Variants in XYLT1 observed in about 807,000 individuals in gnomAD.
The protein encoded by XYLT1 is xylosyltransferase 1, also known as beta-D-xylosyltransferase 1.
Under a neutral mutation model 91.3 loss-of-function variants are expected in XYLT1, and 36 were observed. That is an observed-to-expected ratio of 0.39 (90% CI 0.30 to 0.52). The LOEUF is 0.52. Ranked by LOEUF, XYLT1 falls within the 20% of genes least tolerant of loss-of-function variation. The probability of loss-of-function intolerance (pLI) is 0.68; values close to 1 mark genes in which losing one functional copy is unlikely to be tolerated. For synonymous variants in XYLT1, 588 were observed against 532.0 expected (o/e 1.11, Z -1.45); for missense variants, 1,242 against 1,284.5 (o/e 0.97, Z 0.51).
intron 1 of XYLT1, among the ~76,000 whole-genome samples, chr16:17,412,944 G>A (rs1212971109): frequency 6.6e-6 from 1 of 152,218 alleles, no homozygotes; most frequent in Non-Finnish European, 1.5e-5. Context: ...CGTATCTGCT[G>A]AGCCTCTGAC....
chr16:17,432,968 G>A (rs965960964), intron 1 of XYLT1, among the ~76,000 whole-genome samples: 7 of 152,088 alleles, frequency 4.6e-5, no homozygotes, highest in African/African-American at 1.4e-4. Context: ...GGGCAGAGAC[G>A]GGCAGTGCCC....
chr16:17,133,771 C>T (rs1380262996), intron 9 of XYLT1, among the ~76,000 whole-genome samples: 1 of 152,028 alleles, frequency 6.6e-6, no homozygotes, highest in African/African-American at 2.4e-5. Context: ...CTACCTCCCC[C>T]TCATCTTCTA....
chr16:17,315,040 C>T (rs962285890), intron 2 of XYLT1, among the ~76,000 whole-genome samples: 11 of 152,178 alleles, frequency 7.2e-5, no homozygotes, highest in African/African-American at 1.7e-4. Flanking sequence ...GTCAAGACTT[C>T]ATCTGACTCA....
intron 2 of XYLT1, among the ~76,000 whole-genome samples, chr16:17,285,181 G>A (rs1487332918): frequency 6.6e-6 from 1 of 152,228 alleles, no homozygotes; most frequent in Non-Finnish European, 1.5e-5. Flanking sequence ...GGGGAGGGAT[G>A]AGGGAAAATG....
intron 2 of XYLT1, among the ~76,000 whole-genome samples, chr16:17,310,739 C>T (rs768796000): frequency 6.6e-6 from 1 of 152,136 alleles, no homozygotes; most frequent in South Asian, 2.1e-4. Context: ...ATCCTAGCTA[C>T]TAGGGAGGCT....
chr16:17,126,524 G>A (rs774737501), intron 10 of XYLT1, among the ~76,000 whole-genome samples: 1 of 152,146 alleles, frequency 6.6e-6, no homozygotes, highest in African/African-American at 2.4e-5. Flanking sequence ...TTTGTCATGG[G>A]GATACATACA....
chr16:17,272,202 C>T (rs2033907318), intron 2 of XYLT1, among the ~76,000 whole-genome samples: 1 of 141,534 alleles, frequency 7.1e-6, no homozygotes, highest in Non-Finnish European at 1.5e-5. Flanking sequence ...CGCTTTGTCA[C>T]CCAGGCTGGA....
chr16:17,403,648 T>G (rs939631335), intron 1 of XYLT1: 1 of 151,994 alleles, frequency 6.6e-6, no homozygotes, highest in African/African-American at 2.4e-5. Flanking sequence ...TCCCACCGGG[T>G]CCCTCCCACA....
At chr16:17,198,096 C>G in intron 5 of XYLT1, 116 bp downstream of exon 5, 1 of 1,073,802 alleles carries the variant, frequency 9.3e-7, no homozygotes, top group South Asian at 1.5e-5. Flanking sequence ...GAATCCTATC[C>G]TGAGCGATCC....
intron 2 of XYLT1, among the ~76,000 whole-genome samples, chr16:17,313,177 G>A (rs1391343230): frequency 6.6e-6 from 1 of 152,216 alleles, no homozygotes; most frequent in Non-Finnish European, 1.5e-5. Context: ...ACCAGAACTA[G>A]ACAAAAATCT....
intron 5 of XYLT1, among the ~76,000 whole-genome samples, chr16:17,173,225 C>T (rs1161546475): frequency 6.6e-6 from 1 of 152,190 alleles, no homozygotes; most frequent in Admixed American, 6.5e-5. Flanking sequence ...AATTGTCAAA[C>T]AGGACGTGTA....
In XYLT1 at chr16:17,107,517, C is replaced by G. The variant is rs1411567717; in HGVS notation, c.*1178G>C. ...CCTTCCCATTTTTATGTTGCATGTCCCGTTGAGCCTGTGGCCGAAGGGCAT... is the reference window on the plus strand; with the variant it reads ...CCTTCCCATTTTTATGTTGCATGTCGCGTTGAGCCTGTGGCCGAAGGGCAT... On this transcript the variant is annotated 3_prime_UTR_variant, in exon 12 of 12. Transcript: ENST00000261381. 2.0e-5 allele frequency: 3 copies of G among 152,588 alleles called. No individual in the cohort carries two copies. Among genetic ancestry groups the G allele is most frequent in the Admixed American group, 2.0e-4 (3 of 15,274 alleles). 9.5% of individuals were successfully genotyped at this position (152,588 alleles called of 1,614,324 possible). A position where few individuals can be genotyped will look rare whatever the true frequency, so the allele number is the denominator to read the frequency against.
chr16:17,196,871 C>T (rs2032436223), intron 5 of XYLT1, among the ~76,000 whole-genome samples: 1 of 151,730 alleles, frequency 6.6e-6, no homozygotes, highest in Non-Finnish European at 1.5e-5. Flanking sequence ...GAGTTTGAGA[C>T]CAACATGGTG....
intron 5 of XYLT1, among the ~76,000 whole-genome samples, chr16:17,177,830 T>C (rs2031978253): frequency 1.3e-5 from 2 of 152,222 alleles, no homozygotes; most frequent in Non-Finnish European, 2.9e-5. Context: ...CCAGTCACTC[T>C]GGGAAATCTT....
chr16:17,274,453 A>C (rs1038483669), intron 2 of XYLT1, among the ~76,000 whole-genome samples: 1 of 152,222 alleles, frequency 6.6e-6, no homozygotes, highest in African/African-American at 2.4e-5. Flanking sequence ...ACTCCCTGAC[A>C]GATGGGGCAG....
chr16:17,452,876 T>TAC (rs1014692137), intron 1 of XYLT1, among the ~76,000 whole-genome samples: 2 of 151,652 alleles, frequency 1.3e-5, no homozygotes, highest in African/African-American at 4.8e-5. Flanking sequence ...CACACACACA[T>TAC]ACACACACAC....
chr16:17,412,609 T>C (rs8059580), intron 1 of XYLT1, among the ~76,000 whole-genome samples: 2,244 of 151,646 alleles, frequency 0.015, 56 homozygotes, highest in African/African-American at 0.049. Flanking sequence ...AGAAAAGAGG[T>C]AAAGAGGCTC....
At chr16:17,233,211 C>A (rs957439903) in intron 3 of XYLT1, among the ~76,000 whole-genome samples, 1 of 152,210 alleles carries the variant, frequency 6.6e-6, no homozygotes, top group Non-Finnish European at 1.5e-5. Flanking sequence ...GCATCCCCTG[C>A]CGGCTTCAAG....
intron 5 of XYLT1, among the ~76,000 whole-genome samples, chr16:17,166,344 G>A (rs1359339584): frequency 1.3e-5 from 2 of 152,128 alleles, no homozygotes; most frequent in African/African-American, 4.8e-5. Flanking sequence ...CAGGCATTGA[G>A]TCCAATTCCC....
Sources: allele counts gnomAD v4.1 joint callset (sites outside exome capture counted in the v4.1 genomes callset), GRCh38; gene constraint gnomAD v4.1.1; transcripts MANE v1.5; gene names NCBI Gene and HGNC (gene_info 2026-07-23, HGNC 2026-07-21).